LRRC7: variants seen among roughly 807,000 people sequenced by gnomAD.
LRRC7 encodes leucine rich repeat containing 7.
Under a neutral mutation model 175.7 loss-of-function variants are expected in LRRC7, and 23 were observed. The ratio of observed to expected loss-of-function variants is 0.13; its 90% CI spans 0.09 to 0.19. The LOEUF is 0.19. LRRC7 is among the 10% of genes least tolerant of loss of function. The pLI is 1.00. For missense variants in LRRC7, 1,354 were observed against 1,904.7 expected (o/e 0.71, Z 5.38); for synonymous variants, 685 against 680.9 (o/e 1.01, Z -0.09).
At chr1:69,834,387 C>T (rs1409400692) in intron 5 of LRRC7, among the ~76,000 whole-genome samples, 1 of 152,064 alleles carries the variant, frequency 6.6e-6, no homozygotes, top group African/African-American at 2.4e-5. Flanking sequence ...GATGCTCTTG[C>T]CTGACTATAT....
chr1:69,633,450 A>G (rs1409948440), intron 1 of LRRC7, among the ~76,000 whole-genome samples: 4 of 151,444 alleles, frequency 2.6e-5, no homozygotes, highest in Admixed American at 2.0e-4. Flanking sequence ...AATTTTTGAG[A>G]CAAAATCTCC....
At chr1:69,994,476 CAA>C (rs1302208208) in intron 10 of LRRC7, 83 bp from the exon 11 acceptor site, 1 of 959,888 alleles carries the variant, frequency 1.0e-6, no homozygotes, top group African/African-American at 1.6e-5. Context: ...GCATTCAACA[CAA>C]GTGATTCATG....
At chr1:69,937,979 C>T (rs951737773) in intron 8 of LRRC7, among the ~76,000 whole-genome samples, 3 of 151,590 alleles carry the variant, frequency 2.0e-5, no homozygotes, top group Non-Finnish European at 4.4e-5. Flanking sequence ...TTAATGTACT[C>T]ATTACTCACC....
chr1:69,908,408 A>T (rs892905970), intron 7 of LRRC7, among the ~76,000 whole-genome samples: 1 of 151,854 alleles, frequency 6.6e-6, no homozygotes, highest in African/African-American at 2.4e-5. Flanking sequence ...TTAGTGCTAT[A>T]AATTTCCCTC....
chr1:69,896,972 T>C (rs1645997435), intron 7 of LRRC7, among the ~76,000 whole-genome samples: 2 of 152,238 alleles, frequency 1.3e-5, no homozygotes, highest in Admixed American at 1.3e-4. Flanking sequence ...ATTGACTAGG[T>C]TTTGTGATAT....
chr1:69,757,115 A>G (rs906234722), intron 2 of LRRC7, among the ~76,000 whole-genome samples: 10 of 152,006 alleles, frequency 6.6e-5, no homozygotes, highest in Admixed American at 5.9e-4. Context: ...AGATTGGTAA[A>G]CGAAAGGTGT....
chr1:69,607,349 CATTTT>C (rs1182720022), intron 1 of LRRC7: 5 of 152,006 alleles, frequency 3.3e-5, no homozygotes, highest in African/African-American at 1.2e-4. Context: ...AATAATTTCT[CATTTT>C]ATTTTATTAT....
At chr1:69,917,647 T>C (rs1032727327) in intron 7 of LRRC7, among the ~76,000 whole-genome samples, 1 of 152,000 alleles carries the variant, frequency 6.6e-6, no homozygotes, top group Non-Finnish European at 1.5e-5. Context: ...CACAAGATAG[T>C]CCCCCACAAC....
At chr1:69,603,528 A>G (rs1428152167) in intron 1 of LRRC7, among the ~76,000 whole-genome samples, 1 of 152,210 alleles carries the variant, frequency 6.6e-6, no homozygotes, top group African/African-American at 2.4e-5. Context: ...ACTGTAATTC[A>G]TATTAACTTG....
intron 2 of LRRC7, among the ~76,000 whole-genome samples, chr1:69,696,550 A>G (rs1456216008): frequency 6.6e-6 from 1 of 152,096 alleles, no homozygotes; most frequent in East Asian, 1.9e-4. Context: ...AGAACAAGAG[A>G]TGATGTGGAG....
chr1:69,762,090 AT>A (rs975339888), intron 3 of LRRC7, among the ~76,000 whole-genome samples: 6 of 151,926 alleles, frequency 3.9e-5, no homozygotes, highest in African/African-American at 1.2e-4. Flanking sequence ...CACTAAAAAA[AT>A]TTTTTTTATT....
intron 1 of LRRC7, among the ~76,000 whole-genome samples, chr1:69,596,054 CAGG>C (rs895030744): frequency 3.3e-5 from 5 of 149,896 alleles, no homozygotes; most frequent in African/African-American, 1.2e-4. Context: ...TAATCACTCA[CAGG>C]ACGATGATAC....
rs369333268 is a variant in LRRC7 at position 69,687,920 on chromosome 1, C to T, written c.100+9442C>T. Among the ~76,000 whole-genome samples the T allele has an allele frequency of 7.2e-5, 11 of 152,264 alleles. No individual in the cohort carries two copies. The East Asian group carries it at 2.1e-3, about 29-fold the overall frequency. ...ATGATTTAGCCTTTTTCTAATAACT[C>T]AAGGATGGTTTTATAACCTGCCATT... On this transcript the variant is annotated intron_variant, in intron 2 of 26. Coordinates refer to ENST00000651989, the MANE Select transcript of LRRC7 (RefSeq NM_001370785.2).
rs1044955210 is a variant in LRRC7, at chr1:70,028,036, A to G, written c.1795-135A>G. ...ATGAGAACACTATGCGTCCTACTCT[A>G]TAACAGAGTTTCTCAGCCAGCTCAA... On this transcript the variant is annotated intron_variant, in intron 17 of 26. Coordinates refer to ENST00000651989, the MANE Select transcript of LRRC7 (RefSeq NM_001370785.2). 8.0e-6 allele frequency: 6 copies of G among 753,418 alleles called. No individual in the cohort carries two copies. In the South Asian group the frequency reaches 9.0e-5, roughly 11 times the overall value. 46.7% of individuals were successfully genotyped at this position (753,418 alleles called of 1,614,324 possible).
chr1:70,064,407 A>G (rs374260873), intron 23 of LRRC7, among the ~76,000 whole-genome samples: 5 of 151,922 alleles, frequency 3.3e-5, no homozygotes, highest in East Asian at 3.9e-4. Context: ...TTATGGGACC[A>G]GGAGTTAGAG....
intron 1 of LRRC7, among the ~76,000 whole-genome samples, chr1:69,600,165 C>G (rs1646997966): frequency 6.6e-6 from 1 of 152,086 alleles, no homozygotes; most frequent in South Asian, 2.1e-4. Context: ...ACCCTACACC[C>G]AATTTCCTCT....
At chr1:69,794,715 C>A (rs1471265092) in intron 4 of LRRC7, among the ~76,000 whole-genome samples, 2 of 152,088 alleles carry the variant, frequency 1.3e-5, no homozygotes, top group Non-Finnish European at 2.9e-5. Context: ...AATAATTTGT[C>A]ACCCAATATA....
chr1:69,943,982 A>T (rs930770714), intron 8 of LRRC7, among the ~76,000 whole-genome samples: 3 of 150,210 alleles, frequency 2.0e-5, no homozygotes, highest in Non-Finnish European at 4.5e-5. Context: ...ACACACACAC[A>T]CACACAACAT....
chr1:69,626,887 C>T (rs901427329), intron 1 of LRRC7, among the ~76,000 whole-genome samples: 16 of 151,932 alleles, frequency 1.1e-4, no homozygotes, highest in Middle Eastern at 3.2e-3. Flanking sequence ...TCCATGTCCC[C>T]ACAAAGGACA....
Sources: allele counts gnomAD v4.1 joint callset (sites outside exome capture counted in the v4.1 genomes callset), GRCh38; gene constraint gnomAD v4.1.1; transcripts MANE v1.5; gene names NCBI Gene and HGNC (gene_info 2026-07-23, HGNC 2026-07-21).